The following WIPF1 variants were observed in gnomAD, a reference collection of about 807,000 sequenced individuals.
WIPF1 encodes WAS/WASL-interacting protein family member 1.
Under a neutral mutation model 35.4 loss-of-function variants are expected in WIPF1, and 13 were observed. That is an observed-to-expected ratio of 0.37 (90% CI 0.24 to 0.58). The LOEUF is 0.58. WIPF1 is among the 20% of genes least tolerant of loss of function. WIPF1 has a pLI of 0.74. For missense variants in WIPF1, 591 were observed against 667.0 expected (o/e 0.89, Z 1.25); for synonymous variants, 267 against 266.3 (o/e 1.00, Z -0.02).
intron 1 of WIPF1, among the ~76,000 whole-genome samples, chr2:174,655,049 C>G (rs981031570): frequency 7.9e-5 from 12 of 152,188 alleles, no homozygotes; most frequent in African/African-American, 2.9e-4. Context: ...AGTATTCCAG[C>G]CCATTTCCAT....
intron 7 of WIPF1, among the ~76,000 whole-genome samples, chr2:174,563,116 T>C (rs1684538398): frequency 1.3e-5 from 2 of 152,242 alleles, no homozygotes; most frequent in Admixed American, 1.3e-4. Context: ...TTCCCTTTTG[T>C]TGGGCATTTA....
chr2:174,663,013 G>A (rs901766592), intron 1 of WIPF1, among the ~76,000 whole-genome samples: 9 of 152,214 alleles, frequency 5.9e-5, no homozygotes, highest in Admixed American at 2.6e-4. Context: ...CAGTAGAGAA[G>A]TTAGAGAGAG....
intron 1 of WIPF1, among the ~76,000 whole-genome samples, chr2:174,620,892 G>C (rs1686653423): frequency 2.0e-5 from 3 of 152,162 alleles, no homozygotes; most frequent in Admixed American, 2.0e-4. Context: ...AGGAGTGGAG[G>C]GGCAGGGCCC....
At chr2:174,641,814 C>T (rs560511020) in intron 1 of WIPF1, among the ~76,000 whole-genome samples, 36 of 152,298 alleles carry the variant, frequency 2.4e-4, no homozygotes, top group South Asian at 8.3e-4. Context: ...TGACATTGAG[C>T]TGAGTGCTTT....
At chr2:174,565,165 G>C (rs1256046160) in intron 7 of WIPF1, among the ~76,000 whole-genome samples, 1 of 152,006 alleles carries the variant, frequency 6.6e-6, no homozygotes, top group African/African-American at 2.4e-5. Context: ...AAAGTGCTGG[G>C]ATTACAGGCG....
chr2:174,613,724 G>A (rs1348028038), intron 1 of WIPF1, among the ~76,000 whole-genome samples: 2 of 152,110 alleles, frequency 1.3e-5, no homozygotes, highest in African/African-American at 4.8e-5. Context: ...GGGCAGGGAG[G>A]GCAAGATTGA....
At chr2:174,609,161 A>G (rs1686267706) in intron 1 of WIPF1, among the ~76,000 whole-genome samples, 1 of 152,214 alleles carries the variant, frequency 6.6e-6, no homozygotes, top group South Asian at 2.1e-4. Flanking sequence ...ATGATCTGCA[A>G]TGTACCACAC....
rs574689064 is a variant in WIPF1, at chr2:174,608,488, A to G, written c.-38-22877T>C. On this transcript the variant is annotated intron_variant, in intron 1 of 8. Transcript: ENST00000272746. Reference sequence around the variant, plus strand: ...AGAAAATGATTTCACATGTGGAAAGACCATTCATGTTTTTTTCTTTTTTTT... The same window carrying G: ...AGAAAATGATTTCACATGTGGAAAGGCCATTCATGTTTTTTTCTTTTTTTT... 1.3e-4 allele frequency among the ~76,000 whole-genome samples: 20 copies of G among 152,312 alleles called. No homozygotes were observed. The South Asian group carries it at 2.1e-3, about 16-fold the overall frequency.
At position 174,579,080 on chromosome 2, in the gene WIPF1, C is replaced by T. The variant is rs375655149; in HGVS notation, c.181+2230G>A. Among the ~76,000 whole-genome samples the T allele has an allele frequency of 1.1e-3, 171 of 152,224 alleles. 1 individual carries two copies. The highest frequency in any genetic ancestry group is 3.7e-3 in the African/African-American group (155 of 41,520). ...TTGCCCAGGCTGGAGTACAATGGCACGATCTTGGCTCACTGCAACCTCTGC... is the reference window on the plus strand; with the variant it reads ...TTGCCCAGGCTGGAGTACAATGGCATGATCTTGGCTCACTGCAACCTCTGC... On this transcript the variant is annotated intron_variant, in intron 3 of 7. Coordinates refer to ENST00000679041, the MANE Select transcript of WIPF1 (RefSeq NM_001375834.1).
At chr2:174,634,521 T>C (rs1453165596) in intron 1 of WIPF1, 1 of 152,250 alleles carries the variant, frequency 6.6e-6, no homozygotes, top group Non-Finnish European at 1.5e-5. Flanking sequence ...CACTAACCTG[T>C]ATTGTTTTAA....
At chr2:174,653,516 A>T (rs1383389365) in intron 1 of WIPF1, among the ~76,000 whole-genome samples, 1 of 151,902 alleles carries the variant, frequency 6.6e-6, no homozygotes, top group African/African-American at 2.4e-5. Context: ...CGGGCAGATC[A>T]TGAGGTCAGG....
chr2:174,643,695 C>T (rs1687344761), intron 1 of WIPF1, among the ~76,000 whole-genome samples: 2 of 152,174 alleles, frequency 1.3e-5, no homozygotes, highest in Admixed American at 6.5e-5. Context: ...CAGGCGTGAG[C>T]CACCATGCCT....
intron 1 of WIPF1, among the ~76,000 whole-genome samples, chr2:174,657,946 A>G (rs893679207): frequency 6.6e-6 from 1 of 150,582 alleles, no homozygotes; most frequent in African/African-American, 2.4e-5. Flanking sequence ...AGAGAGAGAA[A>G]TATTTCCTAT....
At position 174,616,260 on chromosome 2, in the gene WIPF1, T is replaced by C. The variant is rs1235089799; in HGVS notation, c.-38-30649A>G. 2.6e-5 allele frequency among the ~76,000 whole-genome samples: 4 copies of C among 152,198 alleles called. No homozygotes were observed. In the East Asian group the frequency reaches 7.7e-4, roughly 29 times the overall value. On this transcript the variant is annotated intron_variant, in intron 1 of 8. Transcript: ENST00000272746. ...AAGGTTGGCATTTATCCAGGGATTT[T>C]GATCCGTGCCAAAAGGGATGATGAG...
chr2:174,622,387 A>T lies in WIPF1; in HGVS notation c.-38-36776T>A, dbSNP rs188753664. Among the ~76,000 whole-genome samples, 3 of 152,372 alleles carry T rather than the reference A, an allele frequency of 2.0e-5. No individual in the cohort carries two copies. In the East Asian group the frequency reaches 5.8e-4, roughly 29 times the overall value. Reference sequence around the variant, plus strand: ...CTATATCCATGAAATCATGAATTTCATATGTTGTTGTACATTTTTTCTACT... The same window carrying T: ...CTATATCCATGAAATCATGAATTTCTTATGTTGTTGTACATTTTTTCTACT... On this transcript the variant is annotated intron_variant, in intron 1 of 8. Transcript: ENST00000272746. The surrounding 1 kb of genome is among the most constrained non-coding windows in gnomAD (Gnocchi z 5.1).
At chr2:174,614,704 T>C (rs564565465) in intron 1 of WIPF1, among the ~76,000 whole-genome samples, 1 of 152,342 alleles carries the variant, frequency 6.6e-6, no homozygotes, top group South Asian at 2.1e-4. Flanking sequence ...AAGATCAATA[T>C]GAAATCTTAT....
intron 3 of WIPF1, among the ~76,000 whole-genome samples, chr2:174,579,018 C>CT (rs887600805): frequency 3.9e-5 from 6 of 152,046 alleles, no homozygotes; most frequent in East Asian, 1.9e-4. Context: ...CATTACTGTT[C>CT]TTTTTTTTGT....
At chr2:174,676,359 G>T (rs1466721557) in intron 1 of WIPF1, 4 of 102,874 alleles carry the variant, frequency 3.9e-5, no homozygotes, top group African/African-American at 1.6e-4. Flanking sequence ...TCACTCTGTT[G>T]CCCAGGATGG....
At chr2:174,671,129 G>A (rs1344567516) in intron 1 of WIPF1, among the ~76,000 whole-genome samples, 1 of 152,220 alleles carries the variant, frequency 6.6e-6, no homozygotes, top group African/African-American at 2.4e-5. Flanking sequence ...CAGGGACCCC[G>A]AATGGAGGGA....
Sources: gnomAD v4.1 joint callset for allele counts (sites outside exome capture counted in the v4.1 genomes callset) on GRCh38, gnomAD v4.1.1 for gene constraint, Gnocchi (gnomAD v3.1) non-coding constraint, MANE v1.5 for transcripts, NCBI Gene and HGNC (gene_info 2026-07-23, HGNC 2026-07-21) for gene names.